CSMD3: variants seen among roughly 807,000 people sequenced by gnomAD.
CSMD3 encodes CUB and Sushi multiple domains 3, also known as CUB and sushi domain-containing protein 3.
In CSMD3, 177 loss-of-function variants were observed where a neutral mutation model predicts 435.2. The ratio of observed to expected loss-of-function variants is 0.41; its 90% confidence interval spans 0.36 to 0.46. The LOEUF (loss-of-function observed/expected upper bound fraction) is 0.46, where lower values mean the gene tolerates loss of function less well. CSMD3 is among the 20% of genes least tolerant of loss of function. The pLI is 0.34. For missense variants in CSMD3, 4,265 were observed against 4,504.6 expected (o/e 0.95, Z 1.52); for synonymous variants, 1,656 against 1,520.5 (o/e 1.09, Z -2.07).
At chr8:112,239,583 A>C (rs1813921834) in intron 66 of CSMD3, among the ~76,000 whole-genome samples, 1 of 152,084 alleles carries the variant, frequency 6.6e-6, no homozygotes, top group Admixed American at 6.6e-5. Context: ...TCTTTGTGGA[A>C]ATAATTTTAA....
chr8:113,382,475 G>A (rs1467496673), intron 1 of CSMD3, among the ~76,000 whole-genome samples: 1 of 151,532 alleles, frequency 6.6e-6, no homozygotes, highest in African/African-American at 2.4e-5. Flanking sequence ...TTTCATTTTT[G>A]TAATACTTTT....
chr8:112,572,089 CA>C (rs1459554635), intron 24 of CSMD3, among the ~76,000 whole-genome samples: 5 of 151,274 alleles, frequency 3.3e-5, no homozygotes, highest in African/African-American at 1.2e-4. Flanking sequence ...TATATTTGAG[CA>C]ATAGTATATT....
intron 1 of CSMD3, among the ~76,000 whole-genome samples, chr8:113,332,494 C>A (rs1475941723): frequency 7.7e-6 from 1 of 129,702 alleles, no homozygotes; most frequent in Non-Finnish European, 1.9e-5. Flanking sequence ...TAGCAATGCA[C>A]AATCCAACAA....
intron 22 of CSMD3, among the ~76,000 whole-genome samples, chr8:112,623,601 G>T (rs1452956319): frequency 1.3e-5 from 2 of 150,166 alleles, no homozygotes; most frequent in South Asian, 2.1e-4. Flanking sequence ...TGCCATGCTG[G>T]TGTGCTGCAC....
In CSMD3 at chr8:113,375,801, G is replaced by A. The variant is rs193125561; in HGVS notation, c.178+60876C>T. Among the ~76,000 whole-genome samples, 639 of 152,226 alleles carry A rather than the reference G, an allele frequency of 4.2e-3. 7 individuals carry two copies. Among genetic ancestry groups the A allele is most frequent in the South Asian group, 0.022 (107 of 4,832 alleles). ...GACCGACATAAAAATTAGAAGAACA[G>A]AGAAATGAAGTAAGAGCAAGCCAGG... On this transcript the variant is annotated intron_variant, in intron 1 of 70. Coordinates refer to ENST00000297405, the MANE Select transcript of CSMD3 (RefSeq NM_198123.2).
In CSMD3 at chr8:112,957,013, G is replaced by A. The variant is rs149526910; in HGVS notation, c.1343-2252C>T. On this transcript the variant is annotated intron_variant, in intron 7 of 70. Coordinates refer to ENST00000297405, the MANE Select transcript of CSMD3 (RefSeq NM_198123.2). ...AAAATTTAAAATATGTTAAACAGAA[G>A]ACAAATATTTTAGCTGTTTATATTT... Among the ~76,000 whole-genome samples, 1,006 of 151,862 alleles carry A rather than the reference G, an allele frequency of 6.6e-3. 11 individuals carry two copies. The highest frequency in any genetic ancestry group is 0.023 in the African/African-American group (964 of 41,410).
chr8:112,439,867 C>T (rs1814798930), intron 32 of CSMD3, among the ~76,000 whole-genome samples: 2 of 152,098 alleles, frequency 1.3e-5, no homozygotes, highest in Admixed American at 6.5e-5. Flanking sequence ...CTAGGTCCCC[C>T]CCCGCCAACA....
chr8:112,833,897 T>A (rs2079948945), intron 11 of CSMD3, among the ~76,000 whole-genome samples: 1 of 152,002 alleles, frequency 6.6e-6, no homozygotes, highest in Admixed American at 6.6e-5. Flanking sequence ...TATTTCACAG[T>A]AGATATATGA....
At chr8:113,415,368 T>A (rs2094577304) in intron 1 of CSMD3, among the ~76,000 whole-genome samples, 1 of 152,090 alleles carries the variant, frequency 6.6e-6, no homozygotes, top group Non-Finnish European at 1.5e-5. Context: ...AAATTCAGAA[T>A]AATCTACAAA....
chr8:112,259,267 A>T (rs1315005143), intron 61 of CSMD3, among the ~76,000 whole-genome samples: 1 of 152,196 alleles, frequency 6.6e-6, no homozygotes, highest in Non-Finnish European at 1.5e-5. Flanking sequence ...GCCATAAAAA[A>T]GGATGAGTTA....
intron 5 of CSMD3, among the ~76,000 whole-genome samples, chr8:113,069,884 T>G (rs541796518): frequency 1.6e-4 from 24 of 152,024 alleles, no homozygotes; most frequent in Non-Finnish European, 2.9e-4. Context: ...ACAGACAAAA[T>G]AGCAACAGTC....
chr8:112,666,257 A>T lies in CSMD3; in HGVS notation c.2816+20T>A, dbSNP rs1281222922. The T allele has an allele frequency of 1.3e-6, 2 of 1,584,552 alleles. No individual in the cohort carries two copies. The highest frequency in any genetic ancestry group is 4.5e-5 in the East Asian group (2 of 44,598). ...TTTAGATAATATTTTCTTTAAAAGT[A>T]GGAAAAATATTTGTGAGACCTTTCA... On this transcript the variant is annotated intron_variant, in intron 17 of 70. Coordinates refer to ENST00000297405, the MANE Select transcript of CSMD3 (RefSeq NM_198123.2).
At chr8:112,536,190 A>C (rs1826061290) in intron 27 of CSMD3, among the ~76,000 whole-genome samples, 1 of 151,378 alleles carries the variant, frequency 6.6e-6, no homozygotes, top group Non-Finnish European at 1.5e-5. Flanking sequence ...ATTAAACTAA[A>C]GAGCTTCTGC....
At position 112,457,895 on chromosome 8, in the gene CSMD3, A is replaced by G. The variant is rs560163140; in HGVS notation, c.5395+14696T>C. Among the ~76,000 whole-genome samples, 205 of 152,150 alleles carry G rather than the reference A, an allele frequency of 1.3e-3. No homozygotes were observed. In the Middle Eastern group the frequency reaches 0.017, roughly 13 times the overall value. The stretch of plus-strand genomic sequence containing the variant: ...TGGAGGAGTGATCAACTAAGCAAAC[A>G]TTTGGTTAATGATTAAGCTAATACC... On this transcript the variant is annotated intron_variant, in intron 32 of 70. Coordinates refer to ENST00000297405, the MANE Select transcript of CSMD3 (RefSeq NM_198123.2).
intron 30 of CSMD3, among the ~76,000 whole-genome samples, chr8:112,494,329 C>CCTTT (rs33946393): frequency 1 from 151,092 of 151,112 alleles, 75,536 homozygotes; most frequent in Middle Eastern, 1. Flanking sequence ...TTTCTTTCTT[C>CCTTT]CTTTCTTTTG....
At chr8:112,607,997 A>G (rs1832932435) in intron 22 of CSMD3, among the ~76,000 whole-genome samples, 2 of 152,150 alleles carry the variant, frequency 1.3e-5, no homozygotes, top group South Asian at 4.1e-4. Flanking sequence ...TCCGAAACAT[A>G]AAAGAAGAAG....
intron 10 of CSMD3, among the ~76,000 whole-genome samples, chr8:112,893,493 C>T (rs1463655353): frequency 6.6e-6 from 1 of 151,436 alleles, no homozygotes; most frequent in Non-Finnish European, 1.5e-5. Context: ...TTCTAAAGTA[C>T]AGCCACCATT....
chr8:112,485,008 A>G (rs1275713127), intron 31 of CSMD3, among the ~76,000 whole-genome samples: 3 of 152,168 alleles, frequency 2.0e-5, no homozygotes, highest in African/African-American at 7.2e-5. Flanking sequence ...TCCACATAGT[A>G]TGCTCCAGAA....
At position 113,268,038 on chromosome 8, in the gene CSMD3, T is replaced by C. The variant is rs1264594520; in HGVS notation, c.514+10554A>G. ...CTTGAACTATATTACCATATTTCCA[T>C]AATAAATGATTCCTAAGATGGTAAG... On this transcript the variant is annotated intron_variant, in intron 3 of 70. Transcript: ENST00000297405. 2.0e-5 allele frequency among the ~76,000 whole-genome samples: 3 copies of C among 151,880 alleles called. No homozygotes were observed. In the East Asian group the frequency reaches 5.8e-4, roughly 29 times the overall value.
Sources: allele counts gnomAD v4.1 joint callset (sites outside exome capture counted in the v4.1 genomes callset), GRCh38; gene constraint gnomAD v4.1.1; transcripts MANE v1.5; gene names NCBI Gene and HGNC (gene_info 2026-07-23, HGNC 2026-07-21).